EIF3L: variants seen among roughly 807,000 people sequenced by gnomAD.
EIF3L encodes the protein eukaryotic translation initiation factor 3 subunit L, also known as eIEF associated protein HSPC021.
A neutral mutation model predicts 74.6 loss-of-function variants in EIF3L; 32 were observed. The observed-to-expected ratio is 0.43, with a 90% confidence interval of 0.32 to 0.58. The LOEUF (loss-of-function observed/expected upper bound fraction) is 0.58, where lower values mean the gene tolerates loss of function less well. Among genes scored for constraint, EIF3L ranks in the 20% least tolerant of loss-of-function variants. The pLI is 0.06. For missense variants in EIF3L, 474 were observed against 707.8 expected (o/e 0.67, Z 3.75); for synonymous variants, 256 against 254.4 (o/e 1.01, Z -0.06).
chr22:37,879,771 C>A (rs1038832190), intron 11 of EIF3L: 2 of 151,802 alleles, frequency 1.3e-5, no homozygotes, highest in African/African-American at 4.8e-5. Context: ...CCTCACATAA[C>A]CCTCATTGGC....
chr22:37,859,374 C>CTTTTTTTTTTTTTTTT lies in EIF3L; in HGVS notation c.435+640_435+655dup, dbSNP rs34020382. 3.5e-4 allele frequency among the ~76,000 whole-genome samples: 28 copies of CTTTTTTTTTTTTTTTT among 79,146 alleles called. 3 individuals are homozygous for CTTTTTTTTTTTTTTTT. Among genetic ancestry groups the CTTTTTTTTTTTTTTTT allele is most frequent in the East Asian group, 8.8e-4 (2 of 2,274 alleles). 51.9% of individuals were successfully genotyped at this position (79,146 alleles called of 152,430 possible). ...CTAAATTATAGAGTACGTGAAGTTT[C>CTTTTTTTTTTTTTTTT]TTTTTTTTTTTTTTTTTTTTTGAGA... On this transcript the variant is annotated intron_variant, in intron 5 of 12. Coordinates refer to ENST00000652021, the MANE Select transcript of EIF3L (RefSeq NM_016091.4).
At chr22:37,877,604 C>T (rs901614563) in intron 10 of EIF3L, 70 bp from the exon 11 acceptor site, 8 of 1,514,612 alleles carry the variant, frequency 5.3e-6, no homozygotes, top group Non-Finnish European at 7.1e-6. Flanking sequence ...AATGGTGAGG[C>T]CAGTTGGCAG....
chr22:37,863,698 T>C (rs1053171116), intron 7 of EIF3L, among the ~76,000 whole-genome samples: 1 of 152,154 alleles, frequency 6.6e-6, no homozygotes, highest in Admixed American at 6.6e-5. Flanking sequence ...GTAACAGTGA[T>C]GTGCTATTTA....
At chr22:37,852,030 C>T (rs1569109751) in intron 3 of EIF3L, among the ~76,000 whole-genome samples, 1 of 152,132 alleles carries the variant, frequency 6.6e-6, no homozygotes, top group Non-Finnish European at 1.5e-5. Flanking sequence ...TCTTGAACTT[C>T]TGACCTCAAG....
chr22:37,863,214 C>T (rs1019247254), intron 6 of EIF3L, 58 bp from the exon 7 acceptor site: 2 of 1,470,722 alleles, frequency 1.4e-6, no homozygotes, highest in East Asian at 2.3e-5. Flanking sequence ...ATTCTGCAGC[C>T]TACAGAATGG....
At chr22:37,877,475 AAGG>A (rs989476047) in intron 10 of EIF3L, 196 bp from the exon 11 acceptor site, 1 of 605,912 alleles carries the variant, frequency 1.7e-6, no homozygotes, top group African/African-American at 1.9e-5. Context: ...GAAGATGGCT[AAGG>A]AGGATCTGGA....
At chr22:37,855,321 G>T (rs561610690) in intron 3 of EIF3L, among the ~76,000 whole-genome samples, 1 of 152,290 alleles carries the variant, frequency 6.6e-6, no homozygotes, top group South Asian at 2.1e-4. Context: ...TGATACAGAG[G>T]CAGGAGATTA....
chr22:37,872,436 T>A (rs1469236041), intron 8 of EIF3L, among the ~76,000 whole-genome samples: 1 of 152,130 alleles, frequency 6.6e-6, no homozygotes, highest in Admixed American at 6.6e-5. Flanking sequence ...GTGTGATTTC[T>A]AAAAAAATAT....
chr22:37,851,528 G>T, intron 3 of EIF3L, 38 bp downstream of exon 3: 1 of 1,528,868 alleles, frequency 6.5e-7, no homozygotes, highest in South Asian at 1.1e-5. Context: ...TTTCTGGGTG[G>T]GACTGGCCTG....
chr22:37,851,586 T>TGGGG, intron 3 of EIF3L, 96 bp downstream of exon 3: 1 of 208,920 alleles, frequency 4.8e-6, no homozygotes, highest in Admixed American at 6.5e-5. Context: ...AACAGTACTT[T>TGGGG]CGGGGGGGTT....
At chr22:37,850,165 T>G in intron 2 of EIF3L, 102 bp downstream of exon 2, 2 of 1,366,992 alleles carry the variant, frequency 1.5e-6, no homozygotes, top group Non-Finnish European at 2.1e-6. Context: ...TCTTTGATGG[T>G]CCAGGTTTGG....
chr22:37,863,145 A>G, intron 6 of EIF3L, 107 bp downstream of exon 6: 1 of 1,097,402 alleles, frequency 9.1e-7, no homozygotes, highest in Non-Finnish European at 1.3e-6. Flanking sequence ...CTTAATGTGT[A>G]GGTGGGAAGA....
Position 37,875,861 on chromosome 22 carries a change from A to C in EIF3L, c.927A>C (p.Pro309=). The change falls in exon 10 of 13, where the codon CCA becomes CCC. Residue 309 remains proline, a synonymous_variant. Transcript: ENST00000652021. ...LNKKSMYSRV[P]ECQVTTYYYV... ...TACAGAGTATGTATTCCCGTGTGCC[A>C]GAGTGCCAGGTCACCACATACTATT... 2 of 1,613,934 alleles carry C rather than the reference A, an allele frequency of 1.2e-6. No homozygotes were observed. Among genetic ancestry groups the C allele is most frequent in the Non-Finnish European group, 1.7e-6 (2 of 1,179,888 alleles).
chr22:37,858,761 GTTTTTT>G (rs367547054), intron 5 of EIF3L, 21 bp downstream of exon 5: 102 of 1,419,556 alleles, frequency 7.2e-5, no homozygotes, highest in Non-Finnish European at 9.6e-5. Context: ...AAGTGTCGCA[GTTTTTT>G]TTTTGTTTTT....
intron 11 of EIF3L, chr22:37,882,692 CAT>C (rs1157446430): frequency 6.7e-6 from 1 of 149,594 alleles, no homozygotes; most frequent in Non-Finnish European, 1.5e-5. Flanking sequence ...AAGAAAAAAA[CAT>C]AATTTTTATA....
intron 11 of EIF3L, chr22:37,881,261 GTC>G (rs1927033107): frequency 6.6e-6 from 1 of 152,000 alleles, no homozygotes; most frequent in Non-Finnish European, 1.5e-5. Context: ...TAGAGACAGA[GTC>G]TCATTGTATC....
At chr22:37,876,115 T>G in intron 10 of EIF3L, 104 bp downstream of exon 10, 2 of 1,289,000 alleles carry the variant, frequency 1.6e-6, no homozygotes, top group Non-Finnish European at 2.1e-6. Context: ...ATTGCACTTT[T>G]AAGCCAGGAG....
At chr22:37,867,422 G>A (rs1926208876) in intron 7 of EIF3L, among the ~76,000 whole-genome samples, 1 of 152,092 alleles carries the variant, frequency 6.6e-6, no homozygotes, top group Non-Finnish European at 1.5e-5. Flanking sequence ...ACTCTGGGAG[G>A]CCAAGGCGGG....
intron 11 of EIF3L, chr22:37,886,560 T>TC (rs1381247198): frequency 2.1e-5 from 7 of 339,708 alleles, no homozygotes; most frequent in Non-Finnish European, 3.4e-5. Context: ...CGAGCAAAAC[T>TC]CCATCTCAAA....
Sources: allele counts gnomAD v4.1 joint callset (sites outside exome capture counted in the v4.1 genomes callset), GRCh38; gene constraint gnomAD v4.1.1; transcripts MANE v1.5; gene names NCBI Gene and HGNC (gene_info 2026-07-23, HGNC 2026-07-21).